Variants in DACH1 observed in about 807,000 individuals in gnomAD.
DACH1 encodes the protein dachshund family transcription factor 1, also known as dachshund homolog 1.
A neutral mutation model predicts 54.2 loss-of-function variants in DACH1; 12 were observed. That is an observed-to-expected ratio of 0.22 (90% CI 0.14 to 0.36). DACH1 has a LOEUF of 0.36. Ranked by LOEUF, DACH1 falls within the 10% of genes least tolerant of loss-of-function variation. DACH1 has a pLI of 1.00. For missense variants in DACH1, 805 were observed against 929.8 expected (o/e 0.87, Z 1.75); for synonymous variants, 386 against 366.2 (o/e 1.05, Z -0.62).
chr13:71,780,270 G>A (rs367932051), intron 1 of DACH1, among the ~76,000 whole-genome samples: 1 of 152,144 alleles, frequency 6.6e-6, no homozygotes, highest in South Asian at 2.1e-4. Context: ...GTTCAGTGAG[G>A]CATTTTAGAG....
At chr13:71,632,347 T>C (rs894784649) in intron 2 of DACH1, among the ~76,000 whole-genome samples, 1 of 151,800 alleles carries the variant, frequency 6.6e-6, no homozygotes, top group South Asian at 2.1e-4. Context: ...GACACTGGAA[T>C]GTATAAATGA....
intron 3 of DACH1, among the ~76,000 whole-genome samples, chr13:71,614,796 G>C (rs952763545): frequency 3.0e-4 from 44 of 148,082 alleles, no homozygotes; most frequent in African/African-American, 1.1e-3. Context: ...CAAAGTTGCA[G>C]TGAGCCGTGA....
chr13:71,477,178 T>C (rs1207916218), intron 8 of DACH1, among the ~76,000 whole-genome samples: 2 of 132,682 alleles, frequency 1.5e-5, no homozygotes, highest in Non-Finnish European at 3.1e-5. Flanking sequence ...TGGAGTGCAG[T>C]GGCGCGATCT....
chr13:71,499,842 G>C (rs1256558458), intron 6 of DACH1, among the ~76,000 whole-genome samples: 1 of 152,060 alleles, frequency 6.6e-6, no homozygotes, highest in Non-Finnish European at 1.5e-5. Context: ...CGCATGAAAA[G>C]AAAATCTGAT....
intron 2 of DACH1, among the ~76,000 whole-genome samples, chr13:71,680,379 G>T (rs1041201790): frequency 6.6e-6 from 1 of 152,106 alleles, no homozygotes; most frequent in African/African-American, 2.4e-5. Flanking sequence ...AGGCAGATGG[G>T]TCACTTGAGT....
At chr13:71,580,998 G>A (rs934205127) in intron 3 of DACH1, among the ~76,000 whole-genome samples, 1 of 125,278 alleles carries the variant, frequency 8.0e-6, no homozygotes, top group Non-Finnish European at 1.8e-5. Flanking sequence ...TATTTTAAAA[G>A]TTTGTCTTAA....
In DACH1 at chr13:71,866,344, G is replaced by C. The variant is rs1170626092; in HGVS notation, c.426C>G (p.Ser142Arg). 6.5e-7 allele frequency: 1 copy of C among 1,534,904 alleles called. No homozygotes were observed. Among genetic ancestry groups the C allele is most frequent in the African/African-American group, 1.4e-5 (1 of 72,646 alleles). The change falls in exon 1 of 11, where the codon AGC (serine) becomes AGG (arginine). Residue 142 changes from serine to arginine, a missense_variant. Transcript: ENST00000613252. ...TGCTGCTGCTGCTGCTACTGCTGCTGCTGCTGCTGCCGGTGCTGGCGTTGA... is the reference window on the plus strand; with the variant it reads ...TGCTGCTGCTGCTGCTACTGCTGCTCCTGCTGCTGCCGGTGCTGGCGTTGA... ...TPINASTGSS[S>R]SSSSSSSSSS... is the part of the protein sequence containing the mutation.
intron 3 of DACH1, among the ~76,000 whole-genome samples, chr13:71,584,868 C>T (rs1873120819): frequency 6.6e-6 from 1 of 152,054 alleles, no homozygotes; most frequent in African/African-American, 2.4e-5. Flanking sequence ...GATTATTATG[C>T]AGTCATATAA....
At chr13:71,711,933 A>G (rs1342006358) in intron 1 of DACH1, among the ~76,000 whole-genome samples, 1 of 152,110 alleles carries the variant, frequency 6.6e-6, no homozygotes, top group Admixed American at 6.6e-5. Context: ...GACACAGGTG[A>G]CTTCAAGGAA....
At chr13:71,675,929 GT>G (rs1880539603) in intron 2 of DACH1, among the ~76,000 whole-genome samples, 1 of 152,060 alleles carries the variant, frequency 6.6e-6, no homozygotes, top group South Asian at 2.1e-4. Context: ...GCAAGTACAT[GT>G]TTTTAATGTT....
chr13:71,848,971 A>G (rs892334522), intron 1 of DACH1, among the ~76,000 whole-genome samples: 1 of 152,202 alleles, frequency 6.6e-6, no homozygotes, highest in African/African-American at 2.4e-5. Flanking sequence ...CAGGCAATTC[A>G]CATACTTGGA....
chr13:71,632,149 G>A (rs1418928015), intron 2 of DACH1, among the ~76,000 whole-genome samples: 1 of 151,920 alleles, frequency 6.6e-6, no homozygotes, highest in East Asian at 1.9e-4. Flanking sequence ...AAAAAGAAAA[G>A]AAACAGAGTT....
intron 6 of DACH1, among the ~76,000 whole-genome samples, chr13:71,553,023 A>C (rs2138364808): frequency 6.8e-6 from 1 of 147,766 alleles, no homozygotes; most frequent in East Asian, 2.0e-4. Context: ...CTCTACTAAA[A>C]ATACAAAAAT....
intron 6 of DACH1, among the ~76,000 whole-genome samples, chr13:71,553,455 T>G (rs918232448): frequency 1.4e-5 from 2 of 143,964 alleles, no homozygotes; most frequent in South Asian, 4.3e-4. Flanking sequence ...CATATATATA[T>G]ACATATATAC....
chr13:71,475,662 A>T (rs372888574), intron 9 of DACH1, 44 bp downstream of exon 9: 61 of 1,575,952 alleles, frequency 3.9e-5, no homozygotes, highest in Non-Finnish European at 4.9e-5. Flanking sequence ...TCCTTTAAGC[A>T]TTAAAAATGA....
intron 1 of DACH1, among the ~76,000 whole-genome samples, chr13:71,727,737 A>G (rs1883539328): frequency 6.6e-6 from 1 of 152,124 alleles, no homozygotes; most frequent in African/African-American, 2.4e-5. Context: ...ACCTGAAACA[A>G]AGCCCTGTAG....
In DACH1 at chr13:71,779,174, TATAC is replaced by T. The variant is rs1444094999; in HGVS notation, c.848+86744_848+86747del. ...ACATATATACGTATATACGTATATATATACACATATATACGTATATACGTATATA... is the reference window on the plus strand; with the variant it reads ...ACATATATACGTATATACGTATATATACATATATACGTATATACGTATATA... On this transcript the variant is annotated intron_variant, in intron 1 of 10. Coordinates refer to ENST00000613252, the MANE Select transcript of DACH1 (RefSeq NM_080759.6). 1.8e-3 allele frequency among the ~76,000 whole-genome samples: 230 copies of T among 130,402 alleles called. 2 individuals carry two copies. Among genetic ancestry groups the T allele is most frequent in the African/African-American group, 6.7e-3 (221 of 33,124 alleles). 85.5% of individuals were successfully genotyped at this position (130,402 alleles called of 152,430 possible).
intron 10 of DACH1, among the ~76,000 whole-genome samples, chr13:71,452,019 A>G (rs930191026): frequency 5.3e-5 from 8 of 152,250 alleles, no homozygotes; most frequent in African/African-American, 1.7e-4. Flanking sequence ...GCTAAAACAC[A>G]TGGAGGCAAA....
intron 1 of DACH1, among the ~76,000 whole-genome samples, chr13:71,696,961 G>C (rs1304250784): frequency 1.3e-5 from 2 of 152,130 alleles, no homozygotes; most frequent in East Asian, 1.9e-4. Context: ...ACTTGCTGTT[G>C]CTGCTGCTTA....
Sources: gnomAD v4.1 joint callset for allele counts (sites outside exome capture counted in the v4.1 genomes callset) on GRCh38, gnomAD v4.1.1 for gene constraint, MANE v1.5 for transcripts, NCBI Gene and HGNC (gene_info 2026-07-23, HGNC 2026-07-21) for gene names.